The following ANKS3 variants were observed in gnomAD, a reference collection of about 807,000 sequenced individuals.
ANKS3 encodes the protein ankyrin repeat and SAM domain-containing protein 3.
In ANKS3, 62 loss-of-function variants were observed where a neutral mutation model predicts 80.7. The ratio of observed to expected loss-of-function variants is 0.77; its 90% confidence interval spans 0.63 to 0.95. The LOEUF (loss-of-function observed/expected upper bound fraction) is 0.95, where lower values mean the gene tolerates loss of function less well. ANKS3 is among the 40% of genes least tolerant of loss of function. The probability of loss-of-function intolerance (pLI) is 0.00; values close to 1 mark genes in which losing one functional copy is unlikely to be tolerated. For missense variants in ANKS3, 1,150 were observed against 883.6 expected, an observed-to-expected ratio of 1.30 and a Z score of -3.82; for synonymous variants, 489 against 355.3, an observed-to-expected ratio of 1.38 and a Z score of -4.23.
At chr16:4,706,405 T>C (rs2080194929) in intron 7 of ANKS3, among the ~76,000 whole-genome samples, 1 of 151,868 alleles carries the variant, frequency 6.6e-6, no homozygotes, top group Non-Finnish European at 1.5e-5. Context: ...CTAATCTTGT[T>C]TTTGTATTTT....
In ANKS3 at chr16:4,727,149, C is replaced by G. The variant is rs1487735300; in HGVS notation, c.199G>C (p.Gly67Arg). 1.9e-6 allele frequency: 3 copies of G among 1,614,080 alleles called. No homozygotes were observed. The highest frequency in any genetic ancestry group is 2.5e-6 in the Non-Finnish European group (3 of 1,180,052). The change falls in exon 4 of 18, where the codon GGT (glycine) becomes CGT (arginine). Residue 67 changes from glycine to arginine, a missense_variant. Physicochemically the swap from Gly to Arg is moderately radical, Grantham distance 125 (BLOSUM62 -2). Transcript: ENST00000304283. ...RRELDLNKKN[G>R]GGWTPLMYAS... ...TACATCAGCGGGGTCCAGCCACCAC[C>G]ATTCTTCTTATTCAAATCTAACTCT...
intron 7 of ANKS3, among the ~76,000 whole-genome samples, chr16:4,707,550 C>T (rs1360594120): frequency 2.6e-5 from 4 of 151,934 alleles, no homozygotes; most frequent in Admixed American, 1.3e-4. Context: ...CCAAAGTGCT[C>T]GGATTACAGG....
In ANKS3 at chr16:4,701,584, C is replaced by A. The variant is rs368426477; in HGVS notation, c.1010-41G>T. ...CAGGGCGTCCGCCTGCAGCCCTCAC[C>A]GAGGTGCTGCGCATGGGCGTGCCCC... On this transcript the variant is annotated intron_variant, in intron 9 of 17. Coordinates refer to ENST00000304283, the MANE Select transcript of ANKS3 (RefSeq NM_133450.4). 1.6e-5 allele frequency: 25 copies of A among 1,553,786 alleles called. No individual in the cohort carries two copies. In the African/African-American group the frequency reaches 2.6e-4, roughly 16 times the overall value.
intron 6 of ANKS3, among the ~76,000 whole-genome samples, chr16:4,723,997 C>G (rs1415530850): frequency 6.6e-6 from 1 of 152,068 alleles, no homozygotes; most frequent in Non-Finnish European, 1.5e-5. Flanking sequence ...GAGGCTGAAG[C>G]TGCAGTGAGC....
chr16:4,710,689 G>A (rs2080438199), intron 7 of ANKS3, among the ~76,000 whole-genome samples: 3 of 152,086 alleles, frequency 2.0e-5, no homozygotes, highest in African/African-American at 4.8e-5. Flanking sequence ...CAGCCTGGGT[G>A]ACAAAGCAAG....
At chr16:4,707,870 G>A (rs1371769937) in intron 7 of ANKS3, among the ~76,000 whole-genome samples, 2 of 152,130 alleles carry the variant, frequency 1.3e-5, no homozygotes, top group African/African-American at 4.8e-5. Flanking sequence ...CAGCACTTTG[G>A]GAGGCCGAGG....
chr16:4,722,644 G>C (rs547161578), intron 6 of ANKS3, among the ~76,000 whole-genome samples: 2 of 151,370 alleles, frequency 1.3e-5, no homozygotes, highest in South Asian at 4.2e-4. Flanking sequence ...CTGGCTGGGC[G>C]CAGTGGCTTA....
Position 4,698,434 on chromosome 16 carries a change from G to A in ANKS3, c.1717C>T (p.Gln573Ter). ...LARDAALVLD[Q>*]LRACQAELSS... ...CAGCTCAGAGCCACTCACCGCAGCTGGTCCAGGACGAGGGCAGCATCCCGG... is the reference window on the plus strand; with the variant it reads ...CAGCTCAGAGCCACTCACCGCAGCTAGTCCAGGACGAGGGCAGCATCCCGG... Residue 573 changes from glutamine (Q) to a stop codon, truncating the protein, a stop_gained, in exon 14 of 18, where the codon CAG becomes TAG. Coordinates refer to ENST00000304283, the MANE Select transcript of ANKS3 (RefSeq NM_133450.4). LOFTEE classifies it high-confidence loss of function. 1.3e-6 allele frequency: 2 copies of A among 1,522,920 alleles called. No homozygotes were observed. The highest frequency in any genetic ancestry group is 8.8e-7 in the Non-Finnish European group (1 of 1,140,930). The allele number at this position is 1,522,920 out of a possible 1,614,324, so 94.3% of individuals were successfully genotyped here.
intron 7 of ANKS3, among the ~76,000 whole-genome samples, chr16:4,710,479 G>A (rs191551053): frequency 3.4e-4 from 51 of 152,230 alleles, no homozygotes; most frequent in African/African-American, 8.2e-4. Context: ...AGGCTGAGGC[G>A]GGTGGATTGC....
At chr16:4,707,937 C>A (rs908459178) in intron 7 of ANKS3, among the ~76,000 whole-genome samples, 1 of 152,050 alleles carries the variant, frequency 6.6e-6, no homozygotes, top group African/African-American at 2.4e-5. Context: ...ATGGTGAAAC[C>A]CTGTCCCTAC....
intron 6 of ANKS3, among the ~76,000 whole-genome samples, chr16:4,716,154 C>A (rs859326): frequency 6.9e-4 from 105 of 151,308 alleles, no homozygotes; most frequent in Non-Finnish European, 1.2e-3. Flanking sequence ...TCAGGAGTTC[C>A]ATACCAGCCT....
At chr16:4,719,268 G>A (rs1336200009) in intron 6 of ANKS3, among the ~76,000 whole-genome samples, 3 of 152,144 alleles carry the variant, frequency 2.0e-5, no homozygotes, top group African/African-American at 7.2e-5. Flanking sequence ...GGAGGTTGAG[G>A]CTGCAACAAA....
chr16:4,699,152 T>A lies in ANKS3; in HGVS notation c.1309A>T (p.Ile437Phe). Residue 437 changes from isoleucine (I) to phenylalanine (F), a missense_variant, in exon 12 of 18, where the codon ATC becomes TTC. By Grantham distance (21) the Ile-to-Phe change is conservative. Coordinates refer to ENST00000304283, the MANE Select transcript of ANKS3 (RefSeq NM_133450.4). ...PQDLAALLEQ[I>F]GCLKYLQVFE... ...ACCTGCAGGTACTTCAGACACCCGA[T>A]CTGCTCCAGCAGTGCGGCAAGGTCC... 1 of 1,614,034 alleles carries A rather than the reference T, an allele frequency of 6.2e-7. No homozygotes were observed. Among genetic ancestry groups the A allele is most frequent in the Non-Finnish European group, 8.5e-7 (1 of 1,180,006 alleles).
chr16:4,726,457 C>T (rs891744150), intron 5 of ANKS3, among the ~76,000 whole-genome samples: 2 of 152,202 alleles, frequency 1.3e-5, no homozygotes, highest in Non-Finnish European at 2.9e-5. Flanking sequence ...GAAAAGGAAG[C>T]TGAGAGGGCT....
At chr16:4,732,136 C>T (rs865994514) in intron 1 of ANKS3, among the ~76,000 whole-genome samples, 2 of 142,780 alleles carry the variant, frequency 1.4e-5, no homozygotes, top group Admixed American at 6.9e-5. Context: ...TGTGTAGGTG[C>T]GGTGGGGCAA....
chr16:4,711,098 A>ATTTTTTTT (rs35899381), intron 7 of ANKS3, among the ~76,000 whole-genome samples: 3 of 104,476 alleles, frequency 2.9e-5, no homozygotes, highest in African/African-American at 7.4e-5. Context: ...CTGAAACAGA[A>ATTTTTTTT]TTTTTTTTTT....
chr16:4,698,877 G>C lies in ANKS3; in HGVS notation c.1474C>G (p.Pro492Ala). Residue 492 changes from proline to alanine, a missense_variant, in exon 13 of 18, where the codon CCC becomes GCC. Physicochemically the swap from Pro to Ala is conservative, Grantham distance 27. Coordinates refer to ENST00000304283, the MANE Select transcript of ANKS3 (RefSeq NM_133450.4). ...TAGGCCAGCTCCAGGGCATCCCCGG[G>C]TGGGCGGGCACTGCTGTGCCAGCGG... ...IARWHSSARP[P>A]GDALELAYAD... is the part of the protein sequence containing the mutation. 1 of 1,601,592 alleles carries C rather than the reference G, an allele frequency of 6.2e-7. No individual in the cohort carries two copies. The highest frequency in any genetic ancestry group is 8.5e-7 in the Non-Finnish European group (1 of 1,173,512).
chr16:4,729,149 C>A (rs2081500650), intron 3 of ANKS3, among the ~76,000 whole-genome samples: 1 of 152,188 alleles, frequency 6.6e-6, no homozygotes, highest in Non-Finnish European at 1.5e-5. Context: ...GGGCAAGACG[C>A]AGCCATGGAC....
At chr16:4,723,738 T>C (rs943649985) in intron 6 of ANKS3, among the ~76,000 whole-genome samples, 1 of 152,206 alleles carries the variant, frequency 6.6e-6, no homozygotes, top group Non-Finnish European at 1.5e-5. Context: ...TTTTTGGCAA[T>C]TATGAATAAT....
Sources: gnomAD v4.1 joint callset for allele counts (sites outside exome capture counted in the v4.1 genomes callset) on GRCh38, gnomAD v4.1.1 for gene constraint, MANE v1.5 for transcripts, NCBI Gene and HGNC (gene_info 2026-07-23, HGNC 2026-07-21) for gene names.